ZNF90: variants seen among roughly 807,000 people sequenced by gnomAD.
The protein encoded by ZNF90 is zinc finger protein 90, also known as zinc finger protein HTF9.
In ZNF90, 11 loss-of-function variants were observed where a neutral mutation model predicts 12.0. The observed-to-expected ratio is 0.92, with a 90% CI of 0.58 to 1.52. ZNF90 has a LOEUF of 1.52. Among genes scored for constraint, ZNF90 ranks in the 40% most tolerant of loss-of-function variants. The pLI is 0.00. For synonymous variants in ZNF90, 232 were observed against 240.1 expected, an observed-to-expected ratio of 0.97 and a Z score of 0.31; for missense variants, 765 against 711.5, an observed-to-expected ratio of 1.08 and a Z score of -0.86.
chr19:20,104,503 T>A (rs1186180805), intron 2 of ZNF90, 138 bp downstream of exon 2: 2 of 1,076,076 alleles, frequency 1.9e-6, no homozygotes, highest in Admixed American at 6.8e-5. Context: ...CTTCAGAATT[T>A]CTTTTAGAAG....
chr19:20,105,410 C>A, intron 3 of ZNF90, 94 bp downstream of exon 3: 2 of 1,038,788 alleles, frequency 1.9e-6, no homozygotes, highest in Non-Finnish European at 1.4e-6. Context: ...ATTTAGGAAG[C>A]TGTGTTCCAA....
At chr19:20,114,328 C>T (rs991560129) in intron 3 of ZNF90, among the ~76,000 whole-genome samples, 1 of 152,152 alleles carries the variant, frequency 6.6e-6, no homozygotes, top group Non-Finnish European at 1.5e-5. Flanking sequence ...ATTATATTGA[C>T]ATTGTTATGC....
At chr19:20,111,841 G>C (rs2089091689) in intron 3 of ZNF90, among the ~76,000 whole-genome samples, 1 of 150,390 alleles carries the variant, frequency 6.6e-6, no homozygotes, top group African/African-American at 2.5e-5. Flanking sequence ...TTTATATGCT[G>C]TATTTATTAA....
chr19:20,092,957 C>T (rs2088914097), intron 1 of ZNF90, among the ~76,000 whole-genome samples: 1 of 152,142 alleles, frequency 6.6e-6, no homozygotes, highest in Non-Finnish European at 1.5e-5. Flanking sequence ...AAGAGCTTGG[C>T]TGAAGTAATG....
chr19:20,117,010 C>A (rs1399216430), intron 3 of ZNF90, among the ~76,000 whole-genome samples: 2 of 104,172 alleles, frequency 1.9e-5, no homozygotes, highest in Admixed American at 9.1e-5. Flanking sequence ...TGGCAACTTA[C>A]ATTTGTGTGT....
At chr19:20,099,249 C>T (rs191127044) in intron 1 of ZNF90, among the ~76,000 whole-genome samples, 1 of 152,140 alleles carries the variant, frequency 6.6e-6, no homozygotes, top group Non-Finnish European at 1.5e-5. Context: ...TTTCAGCTCA[C>T]TGAAACCTCT....
rs565065680 is a variant in ZNF90 at position 20,096,404 on chromosome 19, A to G, written c.4-7835A>G. Among the ~76,000 whole-genome samples, 10 of 151,938 alleles carry G rather than the reference A, an allele frequency of 6.6e-5. No individual in the cohort carries two copies. In the South Asian group the frequency reaches 1.9e-3, roughly 29 times the overall value. ...GAGCAATAAAGCTTTTAATCACCTG[A>G]GTGCAGGTGGGCTGATTCCGAAAAG... is the stretch of plus-strand genomic sequence containing the variant. On this transcript the variant is annotated intron_variant, in intron 1 of 3. Coordinates refer to ENST00000418063, the MANE Select transcript of ZNF90 (RefSeq NM_007138.2).
At position 20,119,489 on chromosome 19, in the gene ZNF90, T is replaced by TTCTC; in HGVS notation, c.*129_*130insTCTC. The TTCTC allele has an allele frequency of 1.3e-6, 1 of 782,648 alleles. No individual in the cohort carries two copies. Among genetic ancestry groups the TTCTC allele is most frequent in the East Asian group, 2.7e-5 (1 of 37,178 alleles). 48.5% of individuals were successfully genotyped at this position (782,648 alleles called of 1,614,324 possible). ...TAAATATGAGAATTTATATGAAACA[T>TTCTC]AACTCCTACAAAAATAAAGAATGTG... On this transcript the variant is annotated 3_prime_UTR_variant, in exon 4 of 4. Transcript: ENST00000418063.
intron 1 of ZNF90, among the ~76,000 whole-genome samples, chr19:20,091,147 C>A (rs183869893): frequency 7.2e-4 from 110 of 152,248 alleles, no homozygotes; most frequent in African/African-American, 2.5e-3. Flanking sequence ...AGTGTCTACC[C>A]AGACTAAGAT....
At chr19:20,095,330 C>T (rs113582123) in intron 1 of ZNF90, among the ~76,000 whole-genome samples, 4,379 of 152,102 alleles carry the variant, frequency 0.029, 197 homozygotes, top group African/African-American at 0.1. Context: ...TTTAGAGCCA[C>T]TGTCGATTTG....
At chr19:20,080,230 A>G (rs1387282343) in intron 1 of ZNF90, 1 of 581,864 alleles carries the variant, frequency 1.7e-6, no homozygotes, top group Admixed American at 1.9e-5. Flanking sequence ...TGTGCTGTTG[A>G]TGAGCACGAT....
chr19:20,110,564 C>G (rs780104041), intron 3 of ZNF90, among the ~76,000 whole-genome samples: 46 of 152,116 alleles, frequency 3.0e-4, no homozygotes, highest in Non-Finnish European at 5.1e-4. Context: ...TGCACCTGGA[C>G]TTTGTTACAT....
At chr19:20,114,882 TATTATA>T (rs1203167856) in intron 3 of ZNF90, among the ~76,000 whole-genome samples, 8 of 152,192 alleles carry the variant, frequency 5.3e-5, no homozygotes, top group East Asian at 1.9e-4. Flanking sequence ...TGAAATAGCC[TATTATA>T]ATTATATTTC....
At chr19:20,112,320 TTTA>T (rs1165240858) in intron 3 of ZNF90, among the ~76,000 whole-genome samples, 2 of 151,602 alleles carry the variant, frequency 1.3e-5, no homozygotes, top group African/African-American at 2.4e-5. Context: ...ACCTGGCCTT[TTTA>T]TTATTATTAT....
At chr19:20,117,373 T>C (rs1211041270) in intron 3 of ZNF90, among the ~76,000 whole-genome samples, 13 of 149,350 alleles carry the variant, frequency 8.7e-5, no homozygotes, top group African/African-American at 3.0e-4. Flanking sequence ...CTTTTCTTTT[T>C]TTTCCTTTCT....
chr19:20,090,140 A>T (rs1210732328), intron 1 of ZNF90, among the ~76,000 whole-genome samples: 3 of 152,138 alleles, frequency 2.0e-5, no homozygotes, highest in Admixed American at 2.0e-4. Flanking sequence ...AACAGTGTAA[A>T]CTGGCAGTGT....
intron 1 of ZNF90, among the ~76,000 whole-genome samples, chr19:20,086,402 A>G (rs2088860276): frequency 6.6e-6 from 1 of 151,450 alleles, no homozygotes; most frequent in African/African-American, 2.4e-5. Context: ...GCCTGTCTAA[A>G]TTATTGTATT....
chr19:20,103,924 T>C (rs1037803114), intron 1 of ZNF90, among the ~76,000 whole-genome samples: 1 of 152,220 alleles, frequency 6.6e-6, no homozygotes, highest in Non-Finnish European at 1.5e-5. Flanking sequence ...TGAAAAATAT[T>C]CACAACTCAT....
intron 1 of ZNF90, among the ~76,000 whole-genome samples, chr19:20,083,607 C>T (rs2088837369): frequency 6.6e-6 from 1 of 151,870 alleles, no homozygotes; most frequent in Middle Eastern, 3.4e-3. Flanking sequence ...GATTACAGGC[C>T]TGAGCCACCA....
Sources: gnomAD v4.1 joint callset for allele counts (sites outside exome capture counted in the v4.1 genomes callset) on GRCh38, gnomAD v4.1.1 for gene constraint, MANE v1.5 for transcripts, NCBI Gene and HGNC (gene_info 2026-07-23, HGNC 2026-07-21) for gene names.